The following NAV3 variants were observed in gnomAD, a reference collection of about 807,000 sequenced individuals.
NAV3 encodes pore membrane and/or filament interacting like protein 1.
A neutral mutation model predicts 244.7 loss-of-function variants in NAV3; 87 were observed. The observed-to-expected ratio is 0.36, with a 90% CI of 0.30 to 0.42. The LOEUF (loss-of-function observed/expected upper bound fraction) is 0.42. NAV3 is among the 20% of genes least tolerant of loss of function. NAV3 has a pLI of 1.00. For synonymous variants in NAV3, 1,126 were observed against 1,042.2 expected (o/e 1.08, Z -1.55); for missense variants, 2,663 against 2,893.3 (o/e 0.92, Z 1.83).
chr12:77,738,795 G>A lies in NAV3; in HGVS notation c.72+166529G>A, dbSNP rs189608069. On this transcript the variant is annotated intron_variant, in intron 2 of 8. Coordinates refer to the NAV3 transcript ENST00000550042. Reference sequence around the variant, plus strand: ...GGAGGCCGAGGTAGGCGGATCACGAGGTCAGGAGATCGAGACCATCCTGGC... The same window carrying A: ...GGAGGCCGAGGTAGGCGGATCACGAAGTCAGGAGATCGAGACCATCCTGGC... Among the ~76,000 whole-genome samples the A allele has an allele frequency of 1.1e-3, 170 of 152,210 alleles. 1 individual carries two copies. The highest frequency in any genetic ancestry group is 3.7e-3 in the African/African-American group (152 of 41,548).
chr12:78,005,496 A>G (rs1286421480), intron 7 of NAV3, among the ~76,000 whole-genome samples: 1 of 152,176 alleles, frequency 6.6e-6, no homozygotes, highest in Non-Finnish European at 1.5e-5. Flanking sequence ...CATTCAGAAG[A>G]TTGTTGGCAA....
At chr12:77,808,471 CA>C (rs1872100142) in intron 2 of NAV3, among the ~76,000 whole-genome samples, 1 of 152,284 alleles carries the variant, frequency 6.6e-6, no homozygotes, top group Middle Eastern at 3.4e-3. Context: ...AGGTCCACTG[CA>C]GACCCTGTTT....
At chr12:77,711,743 A>G (rs1876122932) in intron 2 of NAV3, among the ~76,000 whole-genome samples, 1 of 152,200 alleles carries the variant, frequency 6.6e-6, no homozygotes, top group African/African-American at 2.4e-5. Flanking sequence ...TTTTACTGGT[A>G]TCCCACTAGG....
chr12:77,606,294 G>A (rs140948577), intron 2 of NAV3, among the ~76,000 whole-genome samples: 25 of 152,242 alleles, frequency 1.6e-4, no homozygotes, highest in African/African-American at 5.8e-4. Context: ...TGCTGAATGC[G>A]AAGGAACAAA....
chr12:77,924,682 T>G (rs1428005224), intron 1 of NAV3, among the ~76,000 whole-genome samples: 1 of 152,208 alleles, frequency 6.6e-6, no homozygotes, highest in Non-Finnish European at 1.5e-5. Context: ...GGATATTCTA[T>G]GAAAGTAAAT....
intron 12 of NAV3, among the ~76,000 whole-genome samples, chr12:78,096,084 G>A (rs1954234471): frequency 6.6e-6 from 1 of 152,128 alleles, no homozygotes; most frequent in Non-Finnish European, 1.5e-5. Flanking sequence ...TCATATCCCT[G>A]AAGGTAAGAC....
At chr12:78,002,113 T>C (rs1181987026) in intron 7 of NAV3, among the ~76,000 whole-genome samples, 2 of 152,230 alleles carry the variant, frequency 1.3e-5, no homozygotes, top group Admixed American at 1.3e-4. Flanking sequence ...AATCATTCTT[T>C]TGTTTTACAA....
chr12:77,752,861 G>T (rs1430402906), intron 2 of NAV3, among the ~76,000 whole-genome samples: 1 of 152,136 alleles, frequency 6.6e-6, no homozygotes, highest in East Asian at 1.9e-4. Flanking sequence ...TGAATGCACA[G>T]GTTACATCCC....
At chr12:78,171,556 G>C (rs569266258) in intron 24 of NAV3, among the ~76,000 whole-genome samples, 1 of 151,330 alleles carries the variant, frequency 6.6e-6, no homozygotes. Flanking sequence ...TGGTTATAAA[G>C]GTTTGAATAT....
At chr12:77,884,272 T>C (rs182384788) in intron 1 of NAV3, among the ~76,000 whole-genome samples, 2 of 152,210 alleles carry the variant, frequency 1.3e-5, no homozygotes, top group East Asian at 1.9e-4. Context: ...TAGATGATGA[T>C]TGATTGATTG....
At chr12:78,161,409 T>A (rs1175322575) in intron 23 of NAV3, among the ~76,000 whole-genome samples, 1 of 152,118 alleles carries the variant, frequency 6.6e-6, no homozygotes. Context: ...CTTTAATAAG[T>A]CAAAATTAAT....
At chr12:78,188,114 T>C (rs1593970060) in intron 31 of NAV3, 134 bp from the exon 32 acceptor site, 2 of 643,652 alleles carry the variant, frequency 3.1e-6, no homozygotes, top group East Asian at 2.8e-5. Flanking sequence ...TGTGTGTCTG[T>C]TACTATAGAA....
chr12:77,614,258 A>T (rs562188395), intron 2 of NAV3, among the ~76,000 whole-genome samples: 3 of 151,594 alleles, frequency 2.0e-5, no homozygotes, highest in Non-Finnish European at 2.9e-5. Context: ...GGACCCAGAC[A>T]TTGCCAAATG....
chr12:77,994,923 C>A (rs1460235969), intron 6 of NAV3, 52 bp downstream of exon 6: 4 of 1,264,886 alleles, frequency 3.2e-6, no homozygotes, highest in Admixed American at 3.9e-5. Context: ...CAAATAAATA[C>A]CCAGTGATAT....
intron 2 of NAV3, among the ~76,000 whole-genome samples, chr12:77,760,207 A>G (rs749442282): frequency 6.6e-6 from 1 of 152,244 alleles, no homozygotes; most frequent in Non-Finnish European, 1.5e-5. Context: ...CTGAGTAGCC[A>G]TGTAAAAACT....
intron 2 of NAV3, among the ~76,000 whole-genome samples, chr12:77,641,972 C>T (rs1371544594): frequency 6.6e-6 from 1 of 152,066 alleles, no homozygotes; most frequent in African/African-American, 2.4e-5. Flanking sequence ...TTAGCAGGTT[C>T]CCCCAAATAG....
chr12:77,952,013 C>T (rs1488509767), intron 3 of NAV3, among the ~76,000 whole-genome samples: 2 of 149,138 alleles, frequency 1.3e-5, no homozygotes, highest in African/African-American at 2.5e-5. Context: ...CACATGTATA[C>T]ATATGTAACA....
chr12:77,956,480 G>A (rs1429969510), intron 3 of NAV3, among the ~76,000 whole-genome samples: 1 of 152,086 alleles, frequency 6.6e-6, no homozygotes, highest in African/African-American at 2.4e-5. Context: ...AATCTTTGAG[G>A]TATTATACCT....
Position 77,628,902 on chromosome 12 carries a change from C to CAAAAAAAAA in NAV3, c.72+56643_72+56651dup, listed in dbSNP as rs200250331. Among the ~76,000 whole-genome samples the CAAAAAAAAA allele has an allele frequency of 3.5e-3, 302 of 86,470 alleles. 2 individuals are homozygous for CAAAAAAAAA. The highest frequency in any genetic ancestry group is 9.8e-3 in the African/African-American group (231 of 23,556). The allele number at this position is 86,470 out of a possible 152,430, so 56.7% of individuals were successfully genotyped here. A position where few individuals can be genotyped will look rare whatever the true frequency, so the allele number is the denominator to read the frequency against. Reference sequence around the variant, plus strand: ...GGCGATGGGAGTGAGACCCTGTCTCCAAAAAAAAAAAAAAAGAATCCAAAA... The same window carrying CAAAAAAAAA: ...GGCGATGGGAGTGAGACCCTGTCTCCAAAAAAAAAAAAAAAAAAAAAAAAGAATCCAAAA... On this transcript the variant is annotated intron_variant, in intron 2 of 8. Coordinates refer to the NAV3 transcript ENST00000550042.
Sources: allele counts gnomAD v4.1 joint callset (sites outside exome capture counted in the v4.1 genomes callset), GRCh38; gene constraint gnomAD v4.1.1; transcripts MANE v1.5; gene names NCBI Gene and HGNC (gene_info 2026-07-23, HGNC 2026-07-21).